Variants in SNX29 observed in about 807,000 individuals in gnomAD.
The protein encoded by SNX29 is sorting nexin 29, also known as sorting nexin-29.
SNX29 carries 78 observed loss-of-function variants against 102.1 expected under a neutral mutation model. That is an observed-to-expected ratio of 0.76 (90% CI 0.64 to 0.92). The LOEUF is 0.92. SNX29 is among the 40% of genes least tolerant of loss of function. SNX29 has a pLI of 0.00. For synonymous variants in SNX29, 580 were observed against 414.5 expected, an observed-to-expected ratio of 1.40 and a Z score of -4.85; for missense variants, 1,280 against 1,061.7, an observed-to-expected ratio of 1.21 and a Z score of -2.86.
chr16:11,988,497 A>G (rs1251918780), intron 1 of SNX29, among the ~76,000 whole-genome samples: 2 of 152,112 alleles, frequency 1.3e-5, no homozygotes, highest in Non-Finnish European at 1.5e-5. Context: ...TATAGGCTCA[A>G]GTGATCCTCA....
chr16:12,045,045 C>T (rs1215631422), intron 5 of SNX29, among the ~76,000 whole-genome samples: 1 of 152,182 alleles, frequency 6.6e-6, no homozygotes, highest in African/African-American at 2.4e-5. Context: ...CCAGCCACTT[C>T]CCCAGCTGGA....
intron 5 of SNX29, 105 bp from the exon 6 acceptor site, chr16:12,046,279 T>A: frequency 9.2e-7 from 1 of 1,092,788 alleles, no homozygotes; most frequent in South Asian, 1.3e-5. Context: ...CCTCTTGGGG[T>A]GACCAGGTGC....
At chr16:12,263,291 C>T (rs988907052) in intron 14 of SNX29, among the ~76,000 whole-genome samples, 1 of 152,090 alleles carries the variant, frequency 6.6e-6, no homozygotes, top group South Asian at 2.1e-4. Context: ...ACATAGCCAG[C>T]TAATTTTTAT....
intron 15 of SNX29, among the ~76,000 whole-genome samples, chr16:12,283,056 G>A (rs1407311512): frequency 6.6e-6 from 1 of 152,176 alleles, no homozygotes; most frequent in African/African-American, 2.4e-5. Flanking sequence ...ACTTTACTCT[G>A]GCCCTTAATG....
intron 13 of SNX29, among the ~76,000 whole-genome samples, chr16:12,144,944 A>G (rs1043940694): frequency 1.3e-5 from 2 of 152,154 alleles, no homozygotes; most frequent in African/African-American, 2.4e-5. Context: ...GATGGTCTCT[A>G]TCTCCTGACC....
intron 14 of SNX29, among the ~76,000 whole-genome samples, chr16:12,233,183 C>G (rs1164529748): frequency 6.6e-6 from 1 of 152,170 alleles, no homozygotes; most frequent in African/African-American, 2.4e-5. Flanking sequence ...AACATGTAGT[C>G]AGTCCAGGTA....
intron 15 of SNX29, among the ~76,000 whole-genome samples, chr16:12,321,467 G>A (rs748335427): frequency 1.3e-5 from 2 of 152,186 alleles, no homozygotes; most frequent in African/African-American, 2.4e-5. Context: ...GGTGACCTGT[G>A]TCAAGGGCAT....
At chr16:12,525,698 ACC>A (rs34182279) in intron 20 of SNX29, among the ~76,000 whole-genome samples, 8,487 of 57,308 alleles carry the variant, frequency 0.15, 394 homozygotes, top group African/African-American at 0.28. Flanking sequence ...CGCCCCCCCC[ACC>A]CCCCCCCCCA....
chr16:12,219,858 T>A, intron 14 of SNX29, among the ~76,000 whole-genome samples: 1 of 152,238 alleles, frequency 6.6e-6, no homozygotes, highest in African/African-American at 2.4e-5. Context: ...TTGTCCTATC[T>A]TGGGTCTGGC....
At chr16:12,161,347 T>G (rs1446947333) in intron 13 of SNX29, among the ~76,000 whole-genome samples, 1 of 152,206 alleles carries the variant, frequency 6.6e-6, no homozygotes, top group African/African-American at 2.4e-5. Flanking sequence ...GACCTCTGAC[T>G]TATGGTTGGC....
chr16:12,238,093 C>T (rs945635595), intron 14 of SNX29, among the ~76,000 whole-genome samples: 1 of 152,096 alleles, frequency 6.6e-6, no homozygotes, highest in Admixed American at 6.5e-5. Flanking sequence ...GGGAGATGAA[C>T]CTCGGTGGAG....
chr16:12,468,709 T>G (rs2087192655), intron 18 of SNX29, among the ~76,000 whole-genome samples: 1 of 152,174 alleles, frequency 6.6e-6, no homozygotes, highest in Non-Finnish European at 1.5e-5. Context: ...AGCCCGGAGC[T>G]TGGTATACAA....
Position 12,477,700 on chromosome 16 carries a change from A to T in SNX29, c.2038-19A>T. 1.9e-6 allele frequency: 3 copies of T among 1,604,670 alleles called. No individual in the cohort carries two copies. Among genetic ancestry groups the T allele is most frequent in the Non-Finnish European group, 1.7e-6 (2 of 1,177,756 alleles). Reference sequence around the variant, plus strand: ...TAATAAGGGTTTAAGAGGAATTCACATTTTCTCTTTCTTGACAGGTCTACA... The same window carrying T: ...TAATAAGGGTTTAAGAGGAATTCACTTTTTCTCTTTCTTGACAGGTCTACA... On this transcript the variant is annotated intron_variant, in intron 18 of 20. Transcript: ENST00000566228.
At chr16:12,012,142 A>T (rs2056674994) in intron 3 of SNX29, among the ~76,000 whole-genome samples, 2 of 152,218 alleles carry the variant, frequency 1.3e-5, no homozygotes, top group Non-Finnish European at 2.9e-5. Context: ...TGGGAGTTGG[A>T]CATGTAAATT....
At chr16:12,133,684 G>C (rs892586249) in intron 13 of SNX29, among the ~76,000 whole-genome samples, 1 of 152,142 alleles carries the variant, frequency 6.6e-6, no homozygotes, top group Non-Finnish European at 1.5e-5. Flanking sequence ...TTGGCTCAAT[G>C]TGCTTGATAA....
intron 9 of SNX29, among the ~76,000 whole-genome samples, chr16:12,063,221 C>T (rs1333536830): frequency 6.6e-6 from 1 of 152,078 alleles, no homozygotes; most frequent in Non-Finnish European, 1.5e-5. Context: ...GTGAGAGCTT[C>T]AGGGACATCT....
chr16:12,123,904 T>C lies in SNX29; in HGVS notation c.1403-2729T>C, dbSNP rs75299457. Among the ~76,000 whole-genome samples the C allele has an allele frequency of 8.4e-3, 1,274 of 152,282 alleles. 17 individuals are homozygous for C. The highest frequency in any genetic ancestry group is 0.029 in the African/African-American group (1,203 of 41,558). On this transcript the variant is annotated intron_variant, in intron 11 of 20. Transcript: ENST00000566228. ...CAGAAGTGGGTGGGTGTGGCCGTGTTTGGGGAAAGCTTTACTGGTCCCTGC... is the reference window on the plus strand; with the variant it reads ...CAGAAGTGGGTGGGTGTGGCCGTGTCTGGGGAAAGCTTTACTGGTCCCTGC...
intron 20 of SNX29, among the ~76,000 whole-genome samples, chr16:12,563,432 G>A (rs1216894338): frequency 3.3e-5 from 5 of 152,218 alleles, no homozygotes; most frequent in Admixed American, 6.5e-5. Context: ...CTTGCGGTAT[G>A]TCCTTTGCAG....
intron 14 of SNX29, among the ~76,000 whole-genome samples, chr16:12,277,159 G>A (rs2079277274): frequency 6.6e-6 from 1 of 152,150 alleles, no homozygotes; most frequent in Non-Finnish European, 1.5e-5. Context: ...AAGCTGAGGA[G>A]GGAGGATCAC....
Sources: gnomAD v4.1 joint callset for allele counts (sites outside exome capture counted in the v4.1 genomes callset) on GRCh38, gnomAD v4.1.1 for gene constraint, MANE v1.5 for transcripts, NCBI Gene and HGNC (gene_info 2026-07-23, HGNC 2026-07-21) for gene names.